ZP1: variants seen among roughly 807,000 people sequenced by gnomAD.
The protein encoded by ZP1 is zona pellucida sperm-binding protein 1.
A neutral mutation model predicts 67.4 loss-of-function variants in ZP1; 58 were observed. The observed-to-expected ratio is 0.86, with a 90% CI of 0.70 to 1.07. The LOEUF is 1.07. ZP1 is among the 50% of genes least tolerant of loss of function. The probability of loss-of-function intolerance (pLI) is 0.00; values close to 1 mark genes in which losing one functional copy is unlikely to be tolerated. For missense variants in ZP1, 759 were observed against 807.3 expected (o/e 0.94, Z 0.72); for synonymous variants, 333 against 332.7 (o/e 1.00, Z -0.01).
Position 60,869,159 on chromosome 11 carries a change from C to G in ZP1, c.211C>G (p.Arg71Gly), listed in dbSNP as rs540748238. The change falls in exon 2 of 12, where the codon CGA (arginine) becomes GGA (glycine). Residue 71 changes from arginine to glycine, a missense_variant. By Grantham distance (125) the Arg-to-Gly change is moderately radical. Coordinates refer to ENST00000278853, the MANE Select transcript of ZP1 (RefSeq NM_207341.4). Reference protein sequence around the residue: ...RFKVVDEFGNRFDVNNCSICY... With the variant: ...RFKVVDEFGNGFDVNNCSICY... Reference sequence around the variant, plus strand: ...CCCCACTGCAGATGAATTTGGGAACCGATTTGATGTCAACAACTGCTCCAT... The same window carrying G: ...CCCCACTGCAGATGAATTTGGGAACGGATTTGATGTCAACAACTGCTCCAT... 4.2e-5 allele frequency: 68 copies of G among 1,614,132 alleles called. No individual in the cohort carries two copies. In the Admixed American group the frequency reaches 1.1e-3, roughly 26 times the overall value.
chr11:60,872,822 T>G (rs1286838640), intron 6 of ZP1, among the ~76,000 whole-genome samples: 2 of 152,266 alleles, frequency 1.3e-5, no homozygotes, highest in Middle Eastern at 3.4e-3. Context: ...TCCAGGGGCC[T>G]CGAACGGCAC....
At chr11:60,868,588 CCA>C (rs755828244) in intron 1 of ZP1, among the ~76,000 whole-genome samples, 7 of 152,168 alleles carry the variant, frequency 4.6e-5, no homozygotes, top group Non-Finnish European at 8.8e-5. Context: ...GGGGACATGC[CCA>C]CACCCAGGGA....
chr11:60,873,222 C>G lies in ZP1; in HGVS notation c.1173C>G (p.Phe391Leu). Residue 391 changes from phenylalanine (F) to leucine (L), a missense_variant, in exon 7 of 12, where the codon TTC becomes TTG. Transcript: ENST00000278853. The stretch of plus-strand genomic sequence containing the variant: ...TCCTGCCCATTCAGGCATCCATTTT[C>G]CCACCCCCATCGCCTGCTCCTATGA... Reference protein sequence around the residue: ...SDFLPIQASIFPPPSPAPMTQ... With the variant: ...SDFLPIQASILPPPSPAPMTQ... 1 of 1,607,726 alleles carries G rather than the reference C, an allele frequency of 6.2e-7. No individual in the cohort carries two copies. The highest frequency in any genetic ancestry group is 8.5e-7 in the Non-Finnish European group (1 of 1,176,696).
Position 60,873,216 on chromosome 11 carries a change from CA to C in ZP1, c.1168del (p.Ile390PhefsTer10), listed in dbSNP as rs1590594352. On this transcript the variant is annotated frameshift_variant, in exon 7 of 12. Coordinates refer to ENST00000278853, the MANE Select transcript of ZP1 (RefSeq NM_207341.4). LOFTEE classifies it high-confidence loss of function. Reference protein sequence around the residue: ...ASDFLPIQASIFPPPSPAPMT... With the variant: ...ASDFLPIQASXFPPPSPAPMT... ...GTGACTTCCTGCCCATTCAGGCATC[CA>C]TTTTCCCACCCCCATCGCCTGCTCC... is the stretch of plus-strand genomic sequence containing the variant. 1.9e-6 allele frequency: 3 copies of C among 1,608,070 alleles called. 1 individual carries two copies. The highest frequency in any genetic ancestry group is 3.3e-4 in the Middle Eastern group (2 of 6,030).
chr11:60,871,144 G>T lies in ZP1; in HGVS notation c.1014G>T (p.Gln338His). The T allele has an allele frequency of 1.2e-6, 2 of 1,614,002 alleles. No homozygotes were observed. Among genetic ancestry groups the T allele is most frequent in the Non-Finnish European group, 1.7e-6 (2 of 1,179,950 alleles). Residue 338 changes from glutamine to histidine, a missense_variant and splice_region_variant, in exon 5 of 12, where the codon CAG becomes CAT. Physicochemically the swap from Gln to His is conservative, Grantham distance 24. Coordinates refer to ENST00000278853, the MANE Select transcript of ZP1 (RefSeq NM_207341.4). The part of the protein sequence containing the change: ...FPLTHCGTTM[Q>H]VAGDQLIYEN... ...TCACCCACTGTGGAACCACAATGCAGGTAGGAGCCGGGACCACAGGCTGGG... is the reference window on the plus strand; with the variant it reads ...TCACCCACTGTGGAACCACAATGCATGTAGGAGCCGGGACCACAGGCTGGG...
chr11:60,872,065 G>A (rs1370372278), intron 6 of ZP1, among the ~76,000 whole-genome samples: 2 of 152,212 alleles, frequency 1.3e-5, no homozygotes, highest in Admixed American at 1.3e-4. Flanking sequence ...CAGTTCAAAT[G>A]TATTTGGCTT....
intron 9 of ZP1, 94 bp from the exon 10 acceptor site, chr11:60,874,839 C>A: frequency 2.4e-6 from 3 of 1,243,600 alleles, no homozygotes; most frequent in Non-Finnish European, 3.5e-6. Flanking sequence ...GCAGCCTAGA[C>A]TTGGCCCAGC....
In ZP1 at chr11:60,867,699, G is replaced by C. The variant is rs1855497360; in HGVS notation, c.138G>C (p.Lys46Asn). Residue 46 changes from lysine to asparagine, a missense_variant, in exon 1 of 12, where the codon AAG becomes AAC. Coordinates refer to ENST00000278853, the MANE Select transcript of ZP1 (RefSeq NM_207341.4). ...GLRHSYDCGI[K>N]GMQLLVFPRP... ...GGCACAGCTACGACTGTGGGATCAA[G>C]GGAATGCAGCTGCTGGTGTTCCCCA... The C allele has an allele frequency of 1.9e-6, 3 of 1,614,050 alleles. No individual in the cohort carries two copies. Among genetic ancestry groups the C allele is most frequent in the Non-Finnish European group, 2.5e-6 (3 of 1,179,966 alleles).
intron 3 of ZP1, 62 bp downstream of exon 3, chr11:60,869,962 C>T: frequency 6.7e-7 from 1 of 1,494,612 alleles, no homozygotes. Context: ...ACAGGGTGGC[C>T]TAACAGCCTT....
intron 4 of ZP1, 130 bp downstream of exon 4, chr11:60,870,605 AGAG>A (rs1855549624): frequency 3.1e-6 from 4 of 1,279,776 alleles, no homozygotes; most frequent in Admixed American, 2.6e-5. Context: ...AGCAGATGGC[AGAG>A]GAGACCTTTA....
At position 60,871,248 on chromosome 11, in the gene ZP1, G is replaced by A. The variant is rs377106329; in HGVS notation, c.1046G>A (p.Trp349Ter). 6.2e-7 allele frequency: 1 copy of A among 1,613,890 alleles called. No individual in the cohort carries two copies. The highest frequency in any genetic ancestry group is 1.3e-5 in the African/African-American group (1 of 74,948). Residue 349 changes from tryptophan (W) to a stop codon, truncating the protein, a stop_gained, in exon 6 of 12, where the codon TGG (tryptophan) becomes TAG (stop). Transcript: ENST00000278853. LOFTEE classifies it high-confidence loss of function. ...VAGDQLIYEN[W>*]LVSGIHIQKG... The stretch of plus-strand genomic sequence containing the variant: ...GGCGACCAGCTCATCTATGAGAACT[G>A]GCTGGTGTCTGGCATCCACATCCAA...
At chr11:60,870,752 T>G in intron 4 of ZP1, 1 of 697,136 alleles carries the variant, frequency 1.4e-6, no homozygotes, top group Non-Finnish European at 2.4e-6. Context: ...ATGGTGAACC[T>G]ACTTTTAGAG....
intron 6 of ZP1, among the ~76,000 whole-genome samples, chr11:60,872,295 C>T (rs1855587718): frequency 6.6e-6 from 1 of 152,222 alleles, no homozygotes; most frequent in African/African-American, 2.4e-5. Context: ...GATGTAAGAG[C>T]TCTGGGAGTC....
At chr11:60,872,717 G>T (rs1249085250) in intron 6 of ZP1, among the ~76,000 whole-genome samples, 1 of 152,204 alleles carries the variant, frequency 6.6e-6, no homozygotes, top group Admixed American at 6.5e-5. Context: ...AGACTTGCTT[G>T]TGGTCCCAAA....
chr11:60,873,325 A>G (rs1855620670), intron 7 of ZP1, 36 bp downstream of exon 7: 1 of 1,586,110 alleles, frequency 6.3e-7, no homozygotes, highest in Non-Finnish European at 8.6e-7. Context: ...TCTGGCCCCC[A>G]CTTCCCTGAT....
rs549988411 is a variant in ZP1, at chr11:60,869,212, G to A, written c.264G>A (p.Pro88=). The part of the protein sequence containing the change: ...SICYHWVTSR[P]QEPAVFSADY... ...GCTACCACTGGGTCACCTCCAGGCC[G>A]CAGGAGCCTGCAGTCTTCTCGGCCG... is the stretch of plus-strand genomic sequence containing the variant. Residue 88 remains proline (P), a synonymous_variant, in exon 2 of 12, where the codon CCG becomes CCA. Transcript: ENST00000278853. 20 of 1,614,178 alleles carry A rather than the reference G, an allele frequency of 1.2e-5. No individual in the cohort carries two copies. The highest frequency in any genetic ancestry group is 7.7e-5 in the South Asian group (7 of 91,078).
At chr11:60,870,199 T>C (rs952439303) in intron 3 of ZP1, 133 bp from the exon 4 acceptor site, 30 of 965,986 alleles carry the variant, frequency 3.1e-5, no homozygotes, top group Non-Finnish European at 4.2e-5. Flanking sequence ...TTCAGTAATA[T>C]TCAGTTTTGA....
At chr11:60,874,407 T>C (rs1164516621) in intron 9 of ZP1, among the ~76,000 whole-genome samples, 3 of 152,342 alleles carry the variant, frequency 2.0e-5, no homozygotes, top group African/African-American at 7.2e-5. Context: ...CGTAGGGCAC[T>C]GCCCCTGCCC....
intron 2 of ZP1, 72 bp downstream of exon 2, chr11:60,869,338 A>C: frequency 6.3e-7 from 1 of 1,589,848 alleles, no homozygotes; most frequent in Non-Finnish European, 8.6e-7. Context: ...GAGGCCCCTC[A>C]TGAACCAGAA....
Sources: gnomAD v4.1 joint callset for allele counts (sites outside exome capture counted in the v4.1 genomes callset) on GRCh38, gnomAD v4.1.1 for gene constraint, MANE v1.5 for transcripts, NCBI Gene and HGNC (gene_info 2026-07-23, HGNC 2026-07-21) for gene names.